LMNB1: variants seen among roughly 807,000 people sequenced by gnomAD.
LMNB1 encodes lamin B1.
In LMNB1, 23 loss-of-function variants were observed where a neutral mutation model predicts 67.1. The observed-to-expected ratio is 0.34, with a 90% CI of 0.25 to 0.49. The LOEUF is 0.49. Among genes scored for constraint, LMNB1 ranks in the 20% least tolerant of loss-of-function variants. LMNB1 has a pLI of 0.99. For missense variants in LMNB1, 634 were observed against 746.5 expected (o/e 0.85, Z 1.76); for synonymous variants, 281 against 282.9 (o/e 0.99, Z 0.07).
chr5:126,810,696 A>G (rs567368237), intron 4 of LMNB1, among the ~76,000 whole-genome samples: 1 of 152,354 alleles, frequency 6.6e-6, no homozygotes, highest in South Asian at 2.1e-4. Flanking sequence ...CTACATAAAC[A>G]TCCATTTAGT....
At chr5:126,795,734 C>G (rs951392994) in intron 1 of LMNB1, among the ~76,000 whole-genome samples, 6 of 151,984 alleles carry the variant, frequency 3.9e-5, no homozygotes, top group Non-Finnish European at 7.4e-5. Flanking sequence ...AAGCGATTCT[C>G]CTGCCTCAGC....
chr5:126,820,743 C>G lies in LMNB1; in HGVS notation c.1161-167C>G, dbSNP rs531733693. 4.6e-5 allele frequency among the ~76,000 whole-genome samples: 7 copies of G among 151,966 alleles called. No homozygotes were observed. The East Asian group carries it at 1.2e-3, about 25-fold the overall frequency. The stretch of plus-strand genomic sequence containing the variant: ...GTTTCACCATGTTGGTCAGGCTGAT[C>G]TTGAACTCCTGACCTCAAGCAATCC... On this transcript the variant is annotated intron_variant, in intron 6 of 10. Transcript: ENST00000261366.
intron 1 of LMNB1, among the ~76,000 whole-genome samples, chr5:126,800,055 T>A (rs73333466): frequency 6.6e-6 from 1 of 152,170 alleles, no homozygotes; most frequent in Non-Finnish European, 1.5e-5. Context: ...TGAGTACTTA[T>A]CTTTTCATGA....
At chr5:126,822,681 CGGT>C in intron 7 of LMNB1, 97 bp from the exon 8 acceptor site, 1 of 624,246 alleles carries the variant, frequency 1.6e-6, no homozygotes, top group South Asian at 2.2e-5. Flanking sequence ...GACCATAAAG[CGGT>C]CTTAGTTTAA....
Position 126,796,610 on chromosome 5 carries a change from A to G in LMNB1, c.360-8166A>G, listed in dbSNP as rs191913968. Among the ~76,000 whole-genome samples, 27 of 152,296 alleles carry G rather than the reference A, an allele frequency of 1.8e-4. No homozygotes were observed. In the South Asian group the frequency reaches 3.9e-3, roughly 22 times the overall value. On this transcript the variant is annotated intron_variant, in intron 1 of 10. Coordinates refer to ENST00000261366, the MANE Select transcript of LMNB1 (RefSeq NM_005573.4). ...AACCAACTGGATTTAGATTAGTTCT[A>G]TAGGCCTCAGGAGAGGATAGGCATG...
intron 6 of LMNB1, among the ~76,000 whole-genome samples, chr5:126,820,619 G>A (rs540014963): frequency 1.6e-4 from 24 of 152,122 alleles, no homozygotes; most frequent in African/African-American, 5.3e-4. Context: ...TCTGCCTCCC[G>A]GGTTCAAGCC....
At chr5:126,811,979 T>A in intron 5 of LMNB1, 81 bp downstream of exon 5, 1 of 1,370,916 alleles carries the variant, frequency 7.3e-7, no homozygotes. Flanking sequence ...CTTGGGCTGA[T>A]GTCACTCCTC....
chr5:126,827,754 G>A (rs1466182431), intron 9 of LMNB1, among the ~76,000 whole-genome samples: 1 of 152,240 alleles, frequency 6.6e-6, no homozygotes, highest in African/African-American at 2.4e-5. Context: ...AAAGGAAGTA[G>A]AAGATGCAGC....
chr5:126,794,742 T>G (rs1286026520), intron 1 of LMNB1, among the ~76,000 whole-genome samples: 2 of 152,240 alleles, frequency 1.3e-5, no homozygotes, highest in African/African-American at 4.8e-5. Flanking sequence ...TTTAAGGGAT[T>G]TAAAAATCCT....
rs1283180623 is a variant in LMNB1, at chr5:126,777,826, G to C, written c.318G>C (p.Glu106Asp). Reference protein sequence around the residue: ...TARERAKLQIELGKCKAEHDQ... With the variant: ...TARERAKLQIDLGKCKAEHDQ... ...GCGAGCGCGCCAAGCTGCAGATCGA[G>C]CTGGGCAAGTGCAAGGCGGAACACG... Residue 106 changes from glutamate (E) to aspartate (D), a missense_variant, in exon 1 of 11, where the codon GAG (glutamate) becomes GAC (aspartate). Physicochemically the swap from Glu to Asp is conservative, Grantham distance 45 (BLOSUM62 2). Transcript: ENST00000261366. 33 of 1,481,624 alleles carry C rather than the reference G, an allele frequency of 2.2e-5. No homozygotes were observed. The highest frequency in any genetic ancestry group is 2.9e-5 in the Non-Finnish European group (32 of 1,115,004). The allele number at this position is 1,481,624 out of a possible 1,614,324, so 91.8% of individuals were successfully genotyped here.
At chr5:126,807,199 A>G (rs748225856) in intron 3 of LMNB1, among the ~76,000 whole-genome samples, 3 of 152,368 alleles carry the variant, frequency 2.0e-5, no homozygotes, top group Non-Finnish European at 4.4e-5. Flanking sequence ...TGTATATTTC[A>G]TGAAAATTGT....
In LMNB1 at chr5:126,800,982, A is replaced by ATATATAATTTTTTT; in HGVS notation, c.360-3793_360-3792insATATAATTTTTTTT. Among the ~76,000 whole-genome samples, 46 of 18,628 alleles carry ATATATAATTTTTTT rather than the reference A, an allele frequency of 2.5e-3. 1 individual carries two copies. The highest frequency in any genetic ancestry group is 3.8e-3 in the Non-Finnish European group (36 of 9,534). 12.2% of individuals were successfully genotyped at this position (18,628 alleles called of 152,430 possible). ...ATATATATATATATATATATATATAATTTTTTTTTTTTTTTTTTGGTGGTA... is the reference window on the plus strand; with the variant it reads ...ATATATATATATATATATATATATAATATATAATTTTTTTTTTTTTTTTTTTTTTTTTGGTGGTA... On this transcript the variant is annotated intron_variant, in intron 1 of 10. Coordinates refer to ENST00000261366, the MANE Select transcript of LMNB1 (RefSeq NM_005573.4).
At chr5:126,828,763 A>G (rs969615527) in intron 9 of LMNB1, among the ~76,000 whole-genome samples, 1 of 151,830 alleles carries the variant, frequency 6.6e-6, no homozygotes, top group Non-Finnish European at 1.5e-5. Context: ...GGGTTTTACC[A>G]TATTGGCCAG....
At chr5:126,784,726 G>T (rs2112923202) in intron 1 of LMNB1, among the ~76,000 whole-genome samples, 1 of 150,974 alleles carries the variant, frequency 6.6e-6, no homozygotes, top group African/African-American at 2.4e-5. Flanking sequence ...CGCCATCTCG[G>T]CTCACTGCAA....
At chr5:126,778,006 C>T (rs1750517016) in intron 1 of LMNB1, 139 bp downstream of exon 1, 2 of 767,864 alleles carry the variant, frequency 2.6e-6, no homozygotes, top group South Asian at 2.8e-5. Context: ...GGGTCTCGGT[C>T]TCCGGAAAGG....
intron 1 of LMNB1, among the ~76,000 whole-genome samples, chr5:126,784,959 G>A (rs530674198): frequency 6.6e-6 from 1 of 151,020 alleles, no homozygotes. Context: ...ACTGCCCTCC[G>A]CCCGAATTTT....
intron 1 of LMNB1, among the ~76,000 whole-genome samples, chr5:126,787,546 A>ATATATATATATATTTTTTTTTTTTTT: frequency 4.6e-5 from 3 of 65,584 alleles, no homozygotes; most frequent in African/African-American, 1.3e-4. Flanking sequence ...ATATATATAT[A>ATATATATATATATTTTTTTTTTTTTT]TTTTTTTTTT....
At chr5:126,776,934 A>G (rs1370908267), upstream of LMNB1, 1 of 152,380 alleles carries the variant, frequency 6.6e-6, no homozygotes, top group Non-Finnish European at 1.5e-5. Context: ...ACGGTTGCCC[A>G]AGGGCCAGAT....
intron 4 of LMNB1, among the ~76,000 whole-genome samples, chr5:126,811,124 C>G (rs1316230246): frequency 6.6e-6 from 1 of 152,168 alleles, no homozygotes; most frequent in Non-Finnish European, 1.5e-5. Context: ...TTATTATAAG[C>G]AGTAACTTCA....
Sources: allele counts gnomAD v4.1 joint callset (sites outside exome capture counted in the v4.1 genomes callset), GRCh38; gene constraint gnomAD v4.1.1; transcripts MANE v1.5; gene names NCBI Gene and HGNC (gene_info 2026-07-23, HGNC 2026-07-21).